Variants in CFAP43 observed in about 807,000 individuals in gnomAD.
The protein encoded by CFAP43 is cilia and flagella associated protein 43, also known as cilia- and flagella-associated protein 43.
Under a neutral mutation model 218.9 loss-of-function variants are expected in CFAP43, and 155 were observed. The ratio of observed to expected loss-of-function variants is 0.71; its 90% CI spans 0.62 to 0.81. CFAP43 has a LOEUF of 0.81. CFAP43 is among the 30% of genes least tolerant of loss of function. The pLI, the probability that CFAP43 is intolerant of heterozygous loss-of-function variation, is 0.00. For missense variants in CFAP43, 1,778 were observed against 1,954.3 expected, an observed-to-expected ratio of 0.91 and a Z score of 1.70; for synonymous variants, 645 against 681.3, an observed-to-expected ratio of 0.95 and a Z score of 0.83.
At chr10:104,130,471 A>G (rs1270188072) in intron 37 of CFAP43, among the ~76,000 whole-genome samples, 166 bp from the exon 38 acceptor site, 2 of 152,206 alleles carry the variant, frequency 1.3e-5, no homozygotes, top group African/African-American at 4.8e-5. Context: ...GAGTCACCCT[A>G]GGTGCCCCAT....
rs79406274 is a variant in CFAP43 at position 104,146,157 on chromosome 10, G to A, written c.3855+106C>T. The A allele has an allele frequency of 8.4e-3, 7,165 of 854,782 alleles. 49 individuals carry two copies. The highest frequency in any genetic ancestry group is 9.3e-3 in the Non-Finnish European group (5,050 of 540,926). The allele number at this position is 854,782 out of a possible 1,614,324, so 52.9% of individuals were successfully genotyped here. On this transcript the variant is annotated intron_variant, in intron 30 of 37. Coordinates refer to ENST00000357060, the MANE Select transcript of CFAP43 (RefSeq NM_025145.7). ...TCACCCATAGCTGAGAATTAAGTGG[G>A]AGAAAAATCTGTGAGAAAATTATAT... is the stretch of plus-strand genomic sequence containing the variant.
intron 23 of CFAP43, among the ~76,000 whole-genome samples, chr10:104,165,085 C>G (rs1331742560): frequency 6.6e-6 from 1 of 152,156 alleles, no homozygotes; most frequent in Non-Finnish European, 1.5e-5. Flanking sequence ...AGAGAATCAC[C>G]ACCACACACA....
At chr10:104,224,884 C>T (rs755221064) in intron 3 of CFAP43, among the ~76,000 whole-genome samples, 1 of 151,792 alleles carries the variant, frequency 6.6e-6, no homozygotes. Context: ...TGTACTTCCC[C>T]TTAATAAGAA....
intron 2 of CFAP43, among the ~76,000 whole-genome samples, chr10:104,226,976 C>T (rs956153785): frequency 2.0e-5 from 3 of 152,008 alleles, no homozygotes; most frequent in Non-Finnish European, 4.4e-5. Flanking sequence ...CAAGACTGCG[C>T]CACTGCACTC....
rs973863586 is a variant in CFAP43 at position 104,186,187 on chromosome 10, C to A, written c.1861-64G>T. 2.2e-5 allele frequency: 29 copies of A among 1,316,262 alleles called. No homozygotes were observed. The African/African-American group carries it at 4.2e-4, about 19-fold the overall frequency. 81.5% of individuals were successfully genotyped at this position (1,316,262 alleles called of 1,614,324 possible). A position where few individuals can be genotyped will look rare whatever the true frequency, so the allele number is the denominator to read the frequency against. ...CAGGTAAACAGCACCTTTGGGTTTG[C>A]AGATATACATGCCTGTTGTATATTG... On this transcript the variant is annotated intron_variant, in intron 14 of 37. Transcript: ENST00000357060.
intron 3 of CFAP43, among the ~76,000 whole-genome samples, chr10:104,224,201 A>G (rs600893): frequency 0.34 from 50,722 of 151,240 alleles, 9,757 homozygotes; most frequent in African/African-American, 0.54. Flanking sequence ...CTGCCACCAT[A>G]CCCAGCTAAT....
rs931527612 is a variant in CFAP43, at chr10:104,157,018, A to G, written c.3540+4019T>C. Reference sequence around the variant, plus strand: ...AAAATTTGGTCTCAGAGGTCTCACCATCTTAATTTTGGTCACTTCTAATGA... The same window carrying G: ...AAAATTTGGTCTCAGAGGTCTCACCGTCTTAATTTTGGTCACTTCTAATGA... On this transcript the variant is annotated intron_variant, in intron 27 of 37. Coordinates refer to ENST00000357060, the MANE Select transcript of CFAP43 (RefSeq NM_025145.7). Among the ~76,000 whole-genome samples the G allele has an allele frequency of 3.3e-5, 5 of 152,224 alleles. No individual in the cohort carries two copies. The East Asian group carries it at 5.8e-4, about 18-fold the overall frequency.
At chr10:104,205,366 T>C (rs2090657012) in intron 7 of CFAP43, among the ~76,000 whole-genome samples, 2 of 152,140 alleles carry the variant, frequency 1.3e-5, no homozygotes, top group African/African-American at 4.8e-5. Context: ...TCCAATTACT[T>C]GCTGGTGAAC....
In CFAP43 at chr10:104,156,333, C is replaced by T. The variant is rs529920642; in HGVS notation, c.3541-3607G>A. Among the ~76,000 whole-genome samples, 42 of 152,122 alleles carry T rather than the reference C, an allele frequency of 2.8e-4. 2 individuals are homozygous for T. The South Asian group carries it at 5.6e-3, about 20-fold the overall frequency. On this transcript the variant is annotated intron_variant, in intron 27 of 37. Coordinates refer to ENST00000357060, the MANE Select transcript of CFAP43 (RefSeq NM_025145.7). ...TCTAAACATAATATGTTGGTGTATT[C>T]TTAGCGGGATATAGTCTAAGAACAA... is the stretch of plus-strand genomic sequence containing the variant.
chr10:104,191,506 C>T (rs894431796), intron 12 of CFAP43, among the ~76,000 whole-genome samples: 2 of 152,148 alleles, frequency 1.3e-5, no homozygotes, highest in South Asian at 2.1e-4. Context: ...TTCACCTCCA[C>T]TCCTCTCCTC....
At chr10:104,187,201 G>T in intron 14 of CFAP43, 119 bp downstream of exon 14, 1 of 698,826 alleles carries the variant, frequency 1.4e-6, no homozygotes, top group South Asian at 5.6e-5. Flanking sequence ...TTAATAAAAT[G>T]AAGGCATTTG....
rs932214834 is a variant in CFAP43 at position 104,232,301 on chromosome 10, G to A, written c.-55C>T. ...CAGCGCACGCAGCACCCCAGGGCGG[G>A]TCGGTTACCTTTCCGCCGCCGCGGG... On this transcript the variant is annotated 5_prime_UTR_variant, in exon 1 of 38. Transcript: ENST00000357060. The A allele has an allele frequency of 4.7e-6, 7 of 1,491,880 alleles. No homozygotes were observed. The highest frequency in any genetic ancestry group is 2.4e-5 in the Admixed American group (1 of 42,172). The allele number at this position is 1,491,880 out of a possible 1,614,324, so 92.4% of individuals were successfully genotyped here.
At chr10:104,153,486 A>G (rs1005878809) in intron 27 of CFAP43, among the ~76,000 whole-genome samples, 21 of 152,186 alleles carry the variant, frequency 1.4e-4, no homozygotes, top group African/African-American at 5.1e-4. Flanking sequence ...ATTATTTCAC[A>G]TTGCATGCCT....
chr10:104,177,666 C>T (rs2089680127), intron 19 of CFAP43, among the ~76,000 whole-genome samples: 1 of 152,126 alleles, frequency 6.6e-6, no homozygotes, highest in Admixed American at 6.5e-5. Context: ...TACCAGCAAA[C>T]CTAGAATACT....
intron 20 of CFAP43, 48 bp downstream of exon 20, chr10:104,172,362 A>T: frequency 6.3e-7 from 1 of 1,577,570 alleles, no homozygotes; most frequent in Admixed American, 2.0e-5. Context: ...TTATCTTTTT[A>T]CTTCTTTCAT....
intron 12 of CFAP43, among the ~76,000 whole-genome samples, chr10:104,190,831 T>C (rs2090187006): frequency 6.6e-6 from 1 of 152,206 alleles, no homozygotes; most frequent in Non-Finnish European, 1.5e-5. Flanking sequence ...GCACACGCCC[T>C]GAAACTGGAC....
At chr10:104,155,899 A>G (rs955760885) in intron 27 of CFAP43, among the ~76,000 whole-genome samples, 1 of 150,788 alleles carries the variant, frequency 6.6e-6, no homozygotes, top group African/African-American at 2.4e-5. Context: ...ATGAAATGAG[A>G]TGGGATATAG....
chr10:104,204,070 T>C (rs1020479686), intron 7 of CFAP43, among the ~76,000 whole-genome samples: 2 of 152,240 alleles, frequency 1.3e-5, no homozygotes, highest in African/African-American at 4.8e-5. Context: ...GTTTCTCTAG[T>C]ATCCCTCTTC....
chr10:104,172,008 C>T (rs531961271), intron 20 of CFAP43, among the ~76,000 whole-genome samples: 1 of 152,272 alleles, frequency 6.6e-6, no homozygotes, highest in East Asian at 1.9e-4. Flanking sequence ...CTCAGAGGGG[C>T]CATAGAGTAG....
Sources: gnomAD v4.1 joint callset for allele counts (sites outside exome capture counted in the v4.1 genomes callset) on GRCh38, gnomAD v4.1.1 for gene constraint, MANE v1.5 for transcripts, NCBI Gene and HGNC (gene_info 2026-07-23, HGNC 2026-07-21) for gene names.